Variants in ZDHHC14 observed in about 807,000 individuals in gnomAD.
ZDHHC14 encodes the protein palmitoyltransferase ZDHHC14.
A neutral mutation model predicts 47.7 loss-of-function variants in ZDHHC14; 16 were observed. The ratio of observed to expected loss-of-function variants is 0.34; its 90% CI spans 0.23 to 0.51. ZDHHC14 has a LOEUF of 0.51. ZDHHC14 is among the 20% of genes least tolerant of loss of function. The pLI, the probability that ZDHHC14 is intolerant of heterozygous loss-of-function variation, is 0.97. For synonymous variants in ZDHHC14, 293 were observed against 278.9 expected (o/e 1.05, Z -0.50); for missense variants, 515 against 662.5 (o/e 0.78, Z 2.44).
intron 7 of ZDHHC14, among the ~76,000 whole-genome samples, chr6:157,649,250 G>A (rs1484337482): frequency 6.6e-6 from 1 of 152,232 alleles, no homozygotes; most frequent in Non-Finnish European, 1.5e-5. Context: ...CTCCAGACTT[G>A]AAGCGGTGTG....
intron 8 of ZDHHC14, among the ~76,000 whole-genome samples, chr6:157,659,388 C>A (rs1375259910): frequency 1.3e-5 from 2 of 152,266 alleles, no homozygotes; most frequent in Non-Finnish European, 2.9e-5. Context: ...TTTGCTTTCT[C>A]CCGCTTTGCG....
intron 1 of ZDHHC14, among the ~76,000 whole-genome samples, chr6:157,515,815 C>T (rs2114757564): frequency 6.6e-6 from 1 of 152,226 alleles, no homozygotes; most frequent in South Asian, 2.1e-4. Flanking sequence ...TTGCACTCAC[C>T]CCCACAGCTG....
intron 1 of ZDHHC14, among the ~76,000 whole-genome samples, chr6:157,528,524 G>C (rs1781244716): frequency 6.6e-6 from 1 of 152,032 alleles, no homozygotes; most frequent in South Asian, 2.1e-4. Context: ...GAGGTCAGGA[G>C]ATCGAGACCA....
intron 1 of ZDHHC14, among the ~76,000 whole-genome samples, chr6:157,393,455 GT>G (rs773970414): frequency 2.0e-5 from 3 of 152,154 alleles, no homozygotes; most frequent in South Asian, 4.1e-4. Context: ...TCTTTTGGTG[GT>G]TTTCAGGCGT....
chr6:157,607,129 C>T (rs1784568483), intron 3 of ZDHHC14, among the ~76,000 whole-genome samples: 1 of 152,150 alleles, frequency 6.6e-6, no homozygotes, highest in South Asian at 2.1e-4. Context: ...TTTGTCATCT[C>T]ACATATTTAT....
At chr6:157,639,790 G>A (rs1386380288) in intron 5 of ZDHHC14, among the ~76,000 whole-genome samples, 2 of 152,166 alleles carry the variant, frequency 1.3e-5, no homozygotes, top group African/African-American at 4.8e-5. Context: ...TGGGGGAAAG[G>A]GTTGCGCTGG....
At chr6:157,390,978 A>G (rs1777408736) in intron 1 of ZDHHC14, among the ~76,000 whole-genome samples, 2 of 152,166 alleles carry the variant, frequency 1.3e-5, no homozygotes, top group African/African-American at 4.8e-5. Flanking sequence ...TAAAGTCTAT[A>G]GTAATTTAAA....
At position 157,628,274 on chromosome 6, in the gene ZDHHC14, G is replaced by A. The variant is rs757645071; in HGVS notation, c.566-75G>A. ...ACTATCAGAGTATTGGGTGGGAGGG[G>A]CGGGGCTCCTGCAAGTAAAAAGACA... On this transcript the variant is annotated intron_variant, in intron 3 of 8. Coordinates refer to ENST00000359775, the MANE Select transcript of ZDHHC14 (RefSeq NM_024630.3). 3.4e-6 allele frequency: 5 copies of A among 1,488,184 alleles called. No individual in the cohort carries two copies. In the Admixed American group the frequency reaches 6.8e-5, roughly 20 times the overall value. The allele number at this position is 1,488,184 out of a possible 1,614,324, so 92.2% of individuals were successfully genotyped here.
intron 3 of ZDHHC14, among the ~76,000 whole-genome samples, chr6:157,599,211 C>T (rs9457912): frequency 4.5e-4 from 69 of 152,258 alleles, no homozygotes; most frequent in Middle Eastern, 3.4e-3. Context: ...GTCGGGTTGC[C>T]GGTAGAATCA....
At position 157,537,098 on chromosome 6, in the gene ZDHHC14, G is replaced by A. The variant is rs372110395; in HGVS notation, c.246-5487G>A. 9.0e-5 allele frequency among the ~76,000 whole-genome samples: 5 copies of A among 55,672 alleles called. 2 individuals carry two copies. The highest frequency in any genetic ancestry group is 2.1e-4 in the Non-Finnish European group (5 of 24,266). The allele number at this position is 55,672 out of a possible 152,430, so 36.5% of individuals were successfully genotyped here. ...CTCCCAAAGTGCTGGGATTACAGGC[G>A]TGAGCCACCGCGCCCGGCTCCATCT... is the stretch of plus-strand genomic sequence containing the variant. On this transcript the variant is annotated intron_variant, in intron 1 of 8. Coordinates refer to ENST00000359775, the MANE Select transcript of ZDHHC14 (RefSeq NM_024630.3).
At chr6:157,479,653 A>G (rs1443075559) in intron 1 of ZDHHC14, among the ~76,000 whole-genome samples, 1 of 152,228 alleles carries the variant, frequency 6.6e-6, no homozygotes, top group Non-Finnish European at 1.5e-5. Context: ...GTGTAAACAG[A>G]AGTGGCATGG....
chr6:157,492,188 C>A, intron 1 of ZDHHC14, among the ~76,000 whole-genome samples: 1 of 136,632 alleles, frequency 7.3e-6, no homozygotes, highest in East Asian at 2.2e-4. Context: ...TGACCCTCAA[C>A]ATCCCCCCTC....
intron 8 of ZDHHC14, among the ~76,000 whole-genome samples, chr6:157,661,124 G>C (rs887145363): frequency 6.6e-6 from 1 of 152,022 alleles, no homozygotes; most frequent in African/African-American, 2.4e-5. Flanking sequence ...TTCAAGAGGG[G>C]GTGCAAGTTG....
At chr6:157,513,855 A>C (rs1056682743) in intron 1 of ZDHHC14, among the ~76,000 whole-genome samples, 5 of 152,192 alleles carry the variant, frequency 3.3e-5, no homozygotes, top group African/African-American at 1.2e-4. Flanking sequence ...AGCCATCATG[A>C]AACCTGAAAG....
intron 1 of ZDHHC14, among the ~76,000 whole-genome samples, chr6:157,488,537 G>T (rs927213126): frequency 6.6e-6 from 1 of 152,166 alleles, no homozygotes. Context: ...CCCTTTTTAG[G>T]GGTACTTTAG....
chr6:157,607,994 A>G (rs998420575), intron 3 of ZDHHC14, among the ~76,000 whole-genome samples: 33 of 152,222 alleles, frequency 2.2e-4, no homozygotes, highest in Admixed American at 1.1e-3. Flanking sequence ...GTGCCATTAT[A>G]TGATAAAAGT....
rs566106422 is a variant in ZDHHC14 at position 157,565,153 on chromosome 6, G to A, written c.406+22408G>A. 2.0e-5 allele frequency among the ~76,000 whole-genome samples: 3 copies of A among 152,264 alleles called. No homozygotes were observed. The East Asian group carries it at 5.8e-4, about 29-fold the overall frequency. ...TCCCAGCTACTTGAGAGGCTGAGGT[G>A]GGAGGATCACCTGCGTCTGGGAGGT... On this transcript the variant is annotated intron_variant, in intron 2 of 8. Coordinates refer to ENST00000359775, the MANE Select transcript of ZDHHC14 (RefSeq NM_024630.3).
intron 2 of ZDHHC14, among the ~76,000 whole-genome samples, chr6:157,585,382 T>C (rs934116925): frequency 1.3e-5 from 2 of 149,228 alleles, no homozygotes; most frequent in African/African-American, 5.0e-5. Context: ...GAGGCACAAC[T>C]GTTACCAACA....
chr6:157,494,284 A>G (rs1369338925), intron 1 of ZDHHC14, among the ~76,000 whole-genome samples: 1 of 152,210 alleles, frequency 6.6e-6, no homozygotes, highest in African/African-American at 2.4e-5. Context: ...TTTGACACAA[A>G]GATGGGAGAT....
Sources: gnomAD v4.1 joint callset for allele counts (sites outside exome capture counted in the v4.1 genomes callset) on GRCh38, gnomAD v4.1.1 for gene constraint, MANE v1.5 for transcripts, NCBI Gene and HGNC (gene_info 2026-07-23, HGNC 2026-07-21) for gene names.